The following SHISAL2B variants were observed in gnomAD, a reference collection of about 807,000 sequenced individuals.
SHISAL2B encodes shisa like 2B, also known as protein shisa-like-2B.
Under a neutral mutation model 16.5 loss-of-function variants are expected in SHISAL2B, and 12 were observed. The ratio of observed to expected loss-of-function variants is 0.73; its 90% CI spans 0.47 to 1.18. The LOEUF (loss-of-function observed/expected upper bound fraction) is 1.18. Ranked by LOEUF, SHISAL2B falls within the 50% of genes most tolerant of loss-of-function variation. The probability of loss-of-function intolerance (pLI) is 0.00; values close to 1 mark genes in which losing one functional copy is unlikely to be tolerated. For synonymous variants in SHISAL2B, 72 were observed against 75.0 expected, an observed-to-expected ratio of 0.96 and a Z score of 0.21; for missense variants, 183 against 193.6, an observed-to-expected ratio of 0.95 and a Z score of 0.33.
At chr5:64,692,111 A>G (rs1741659863) in intron 1 of SHISAL2B, among the ~76,000 whole-genome samples, 1 of 152,218 alleles carries the variant, frequency 6.6e-6, no homozygotes, top group East Asian at 1.9e-4. Context: ...TATCCTTAGT[A>G]GATTACATGG....
At chr5:64,714,901 G>A (rs1230253089) in intron 2 of SHISAL2B, among the ~76,000 whole-genome samples, 1 of 152,102 alleles carries the variant, frequency 6.6e-6, no homozygotes, top group Non-Finnish European at 1.5e-5. Flanking sequence ...GCTTCAGCTC[G>A]TGCACGGTGC....
chr5:64,712,611 GT>G (rs1197776468), intron 2 of SHISAL2B, among the ~76,000 whole-genome samples: 1 of 151,036 alleles, frequency 6.6e-6, no homozygotes, highest in Non-Finnish European at 1.5e-5. Flanking sequence ...TTTCTGTCTC[GT>G]TGATCTGTCT....
At chr5:64,697,050 CT>C (rs1312932737) in intron 2 of SHISAL2B, among the ~76,000 whole-genome samples, 1 of 152,208 alleles carries the variant, frequency 6.6e-6, no homozygotes, top group Non-Finnish European at 1.5e-5. Context: ...GATGTCACCC[CT>C]GGAGGCCCAG....
Position 64,690,776 on chromosome 5 carries a change from C to T in SHISAL2B, c.153C>T (p.Ser51=). 1 of 1,544,534 alleles carries T rather than the reference C, an allele frequency of 6.5e-7. No individual in the cohort carries two copies. Among genetic ancestry groups the T allele is most frequent in the Non-Finnish European group, 8.7e-7 (1 of 1,152,014 alleles). The change falls in exon 1 of 3, where the codon AGC becomes AGT. Residue 51 remains serine, a synonymous_variant. Transcript: ENST00000389074. ...DLKYCCSEPG[S]YFPYKHSYMW... ...AGTACTGCTGCAGCGAGCCGGGCAGCTACTTCCCCTACAAGCACAGCTACA... is the reference window on the plus strand; with the variant it reads ...AGTACTGCTGCAGCGAGCCGGGCAGTTACTTCCCCTACAAGCACAGCTACA...
intron 1 of SHISAL2B, among the ~76,000 whole-genome samples, chr5:64,693,766 A>G (rs1271760782): frequency 6.6e-6 from 1 of 152,170 alleles, no homozygotes; most frequent in East Asian, 1.9e-4. Context: ...TTTAGATGAG[A>G]GCAAACCCCA....
intron 2 of SHISAL2B, among the ~76,000 whole-genome samples, chr5:64,708,870 C>A (rs996401606): frequency 6.6e-6 from 1 of 151,934 alleles, no homozygotes; most frequent in Non-Finnish European, 1.5e-5. Context: ...TATTTTACTA[C>A]CAAAAATAGT....
At chr5:64,691,119 C>T (rs961529140) in intron 1 of SHISAL2B, 2 of 324,764 alleles carry the variant, frequency 6.2e-6, no homozygotes, top group South Asian at 2.5e-4. Flanking sequence ...CCGCCCGCCT[C>T]CCGGGAGCCG....
intron 2 of SHISAL2B, among the ~76,000 whole-genome samples, chr5:64,716,315 A>C (rs1742050275): frequency 2.6e-5 from 4 of 151,866 alleles, no homozygotes; most frequent in Admixed American, 2.6e-4. Context: ...CTCAGTTTTA[A>C]AGTTTTCTGT....
chr5:64,716,294 G>A (rs993399720), intron 2 of SHISAL2B, among the ~76,000 whole-genome samples: 2 of 152,058 alleles, frequency 1.3e-5, no homozygotes, highest in African/African-American at 4.8e-5. Context: ...TTTCAATCTT[G>A]TCTTTTGCTA....
intron 1 of SHISAL2B, 23 bp from the exon 2 acceptor site, chr5:64,695,484 T>C (rs1297267140): frequency 6.6e-7 from 1 of 1,512,254 alleles, no homozygotes; most frequent in South Asian, 1.2e-5. Context: ...GTGTGACACA[T>C]ATTTTTTTTC....
chr5:64,699,345 A>T (rs533087069), intron 2 of SHISAL2B, among the ~76,000 whole-genome samples: 2 of 152,354 alleles, frequency 1.3e-5, no homozygotes, highest in East Asian at 3.9e-4. Flanking sequence ...AAATGTCACT[A>T]GAATGGGAAG....
intron 1 of SHISAL2B, among the ~76,000 whole-genome samples, chr5:64,694,987 G>A (rs747314659): frequency 2.6e-5 from 4 of 152,090 alleles, no homozygotes; most frequent in Admixed American, 6.5e-5. Flanking sequence ...CAGGCCGGCC[G>A]GGAGCGGTGG....
At chr5:64,705,204 T>A (rs1741859349) in intron 2 of SHISAL2B, among the ~76,000 whole-genome samples, 1 of 152,212 alleles carries the variant, frequency 6.6e-6, no homozygotes, top group Admixed American at 6.5e-5. Flanking sequence ...TTTGCAAGCC[T>A]TTTAATCTCA....
chr5:64,709,893 T>A (rs1319148561), intron 2 of SHISAL2B, among the ~76,000 whole-genome samples: 3 of 152,146 alleles, frequency 2.0e-5, no homozygotes, highest in African/African-American at 7.2e-5. Context: ...GTTGTTTTTT[T>A]TCTTGTAAAT....
chr5:64,713,965 C>T (rs1741998252), intron 2 of SHISAL2B, among the ~76,000 whole-genome samples: 1 of 89,984 alleles, frequency 1.1e-5, no homozygotes, highest in Non-Finnish European at 1.9e-5. Context: ...AAGTTTTCAA[C>T]TTCTTTGCCT....
rs370422390 is a variant in SHISAL2B, at chr5:64,717,397, T to C, written c.350-492T>C. On this transcript the variant is annotated intron_variant, in intron 2 of 2. Coordinates refer to ENST00000389074, the MANE Select transcript of SHISAL2B (RefSeq NM_001164442.2). ...CTAACTTCTGATCAGCAAAGATCCA[T>C]ATTCCTTCACCTTTGCTCATTTTGG... is the stretch of plus-strand genomic sequence containing the variant. Among the ~76,000 whole-genome samples, 4 of 152,340 alleles carry C rather than the reference T, an allele frequency of 2.6e-5. No individual in the cohort carries two copies. The East Asian group carries it at 5.8e-4, about 22-fold the overall frequency.
intron 1 of SHISAL2B, among the ~76,000 whole-genome samples, chr5:64,692,748 G>A (rs1011301510): frequency 6.6e-6 from 1 of 152,086 alleles, no homozygotes; most frequent in Non-Finnish European, 1.5e-5. Context: ...AACTGCCATA[G>A]GGTGCTGAGG....
At position 64,690,726 on chromosome 5, in the gene SHISAL2B, T is replaced by C. The variant is rs1457929770; in HGVS notation, c.103T>C (p.Tyr35His). Residue 35 changes from tyrosine to histidine, a missense_variant, in exon 1 of 3, where the codon TAT becomes CAT. By Grantham distance (83) the Tyr-to-His change is moderately conservative. Coordinates refer to ENST00000389074, the MANE Select transcript of SHISAL2B (RefSeq NM_001164442.2). ...PRRGEGAALQ[Y>H]CCGFADLKYC... ...GCGCGGCGAGGGGGCAGCGCTCCAG[T>C]ATTGCTGCGGCTTCGCCGACCTCAA... The C allele has an allele frequency of 7.2e-6, 11 of 1,537,348 alleles. No individual in the cohort carries two copies. Among genetic ancestry groups the C allele is most frequent in the Middle Eastern group, 3.3e-4 (2 of 5,994 alleles).
intron 2 of SHISAL2B, among the ~76,000 whole-genome samples, chr5:64,715,047 G>C (rs981946962): frequency 6.6e-6 from 1 of 151,928 alleles, no homozygotes; most frequent in Non-Finnish European, 1.5e-5. Flanking sequence ...GTTACTATTC[G>C]GCCATCTTGG....
Sources: allele counts gnomAD v4.1 joint callset (sites outside exome capture counted in the v4.1 genomes callset), GRCh38; gene constraint gnomAD v4.1.1; transcripts MANE v1.5; gene names NCBI Gene and HGNC (gene_info 2026-07-23, HGNC 2026-07-21).